DNAI2: variants seen among roughly 807,000 people sequenced by gnomAD.
DNAI2 encodes the protein dynein, axonemal, intermediate polypeptide 2.
A neutral mutation model predicts 74.7 loss-of-function variants in DNAI2; 63 were observed. The ratio of observed to expected loss-of-function variants is 0.84; its 90% confidence interval spans 0.69 to 1.04. DNAI2 has a LOEUF of 1.04. Ranked by LOEUF, DNAI2 falls within the 50% of genes least tolerant of loss-of-function variation. The probability of loss-of-function intolerance (pLI) is 0.00; values close to 1 mark genes in which losing one functional copy is unlikely to be tolerated. For synonymous variants in DNAI2, 289 were observed against 314.9 expected, an observed-to-expected ratio of 0.92 and a Z score of 0.87; for missense variants, 688 against 803.2, an observed-to-expected ratio of 0.86 and a Z score of 1.73.
At chr17:74,298,641 C>T (rs1307807531) in intron 6 of DNAI2, among the ~76,000 whole-genome samples, 3 of 151,998 alleles carry the variant, frequency 2.0e-5, no homozygotes, top group East Asian at 3.9e-4. Flanking sequence ...CTTGCTCTGT[C>T]ACCCAGGCTG....
chr17:74,301,776 C>G (rs1348848675), intron 8 of DNAI2, among the ~76,000 whole-genome samples: 3 of 145,190 alleles, frequency 2.1e-5, no homozygotes, highest in East Asian at 2.1e-4. Context: ...TAATGAGACC[C>G]CCCCCACCGC....
At chr17:74,314,497 GC>G in intron 13 of DNAI2, 91 bp from the exon 14 acceptor site, 1 of 440,692 alleles carries the variant, frequency 2.3e-6, no homozygotes, top group South Asian at 2.0e-5. Flanking sequence ...CCACCCCAAG[GC>G]CGAGGCCACC....
At chr17:74,284,947 C>G in intron 2 of DNAI2, 93 bp from the exon 3 acceptor site, 1 of 1,562,954 alleles carries the variant, frequency 6.4e-7, no homozygotes, top group Non-Finnish European at 8.8e-7. Context: ...GCATCCAGCC[C>G]TGGGAGCCCC....
chr17:74,275,331 G>A (rs1296872320), intron 1 of DNAI2, among the ~76,000 whole-genome samples: 1 of 152,148 alleles, frequency 6.6e-6, no homozygotes, highest in Non-Finnish European at 1.5e-5. Context: ...TGCTATCCTG[G>A]GGGAAAATAA....
Position 74,295,582 on chromosome 17 carries a change from C to G in DNAI2, c.725-4136C>G, listed in dbSNP as rs370251608. 6.2e-4 allele frequency among the ~76,000 whole-genome samples: 94 copies of G among 152,120 alleles called. 1 individual carries two copies. The highest frequency in any genetic ancestry group is 6.8e-3 in the Middle Eastern group (2 of 294). On this transcript the variant is annotated intron_variant, in intron 6 of 13. Coordinates refer to ENST00000311014, the MANE Select transcript of DNAI2 (RefSeq NM_023036.6). Reference sequence around the variant, plus strand: ...TATCTGGGCTTCTTGGGGACAATCTCTATTTATTGCTTTTTTATTCCTGTG... The same window carrying G: ...TATCTGGGCTTCTTGGGGACAATCTGTATTTATTGCTTTTTTATTCCTGTG...
intron 1 of DNAI2, among the ~76,000 whole-genome samples, chr17:74,274,686 AG>A (rs2050955851): frequency 6.6e-6 from 1 of 152,170 alleles, no homozygotes; most frequent in Non-Finnish European, 1.5e-5. Flanking sequence ...TGGAAAAAAA[AG>A]AAGAAAAACA....
chr17:74,298,579 T>C (rs1019213935), intron 6 of DNAI2, among the ~76,000 whole-genome samples: 2 of 152,168 alleles, frequency 1.3e-5, no homozygotes, highest in African/African-American at 4.8e-5. Flanking sequence ...AGTGCTGGGA[T>C]TACAGGTGTG....
intron 2 of DNAI2, among the ~76,000 whole-genome samples, chr17:74,282,482 G>T (rs1218448776): frequency 6.6e-6 from 1 of 152,168 alleles, no homozygotes; most frequent in Non-Finnish European, 1.5e-5. Context: ...TGCAATTCTT[G>T]TAGAGATGAG....
At chr17:74,295,829 A>C (rs2052391597) in intron 6 of DNAI2, among the ~76,000 whole-genome samples, 1 of 152,142 alleles carries the variant, frequency 6.6e-6, no homozygotes, top group African/African-American at 2.4e-5. Context: ...GACCACTTAT[A>C]GTCTCTGCTT....
intron 1 of DNAI2, among the ~76,000 whole-genome samples, chr17:74,279,021 G>T (rs2051245980): frequency 6.6e-6 from 1 of 152,106 alleles, no homozygotes; most frequent in Non-Finnish European, 1.5e-5. Flanking sequence ...CAAAAAATTA[G>T]CCGGGTGTGG....
At chr17:74,309,763 C>T (rs934877608) in intron 10 of DNAI2, 28 of 637,164 alleles carry the variant, frequency 4.4e-5, no homozygotes, top group Non-Finnish European at 6.4e-5. Context: ...GCTGGGGCCA[C>T]GGAAGGGTGG....
In DNAI2 at chr17:74,312,232, T is replaced by C; in HGVS notation, c.1722+2T>C. On this transcript the variant is annotated splice_donor_variant, in intron 12 of 13. Transcript: ENST00000311014. LOFTEE classifies it high-confidence loss of function. ...GCCATAAAGCTGACGCCAGTGCCTGTAGGGGCCTGGACAGGGGTTGGGTGG... is the reference window on the plus strand; with the variant it reads ...GCCATAAAGCTGACGCCAGTGCCTGCAGGGGCCTGGACAGGGGTTGGGTGG... 6.5e-7 allele frequency: 1 copy of C among 1,527,922 alleles called. No individual in the cohort carries two copies. 94.6% of individuals were successfully genotyped at this position (1,527,922 alleles called of 1,614,324 possible). A position where few individuals can be genotyped will look rare whatever the true frequency, so the allele number is the denominator to read the frequency against.
intron 1 of DNAI2, among the ~76,000 whole-genome samples, chr17:74,279,337 G>C (rs1439160253): frequency 1.3e-5 from 2 of 151,982 alleles, no homozygotes; most frequent in African/African-American, 4.8e-5. Flanking sequence ...AGTATAACTG[G>C]ATTGTTTGTA....
chr17:74,290,933 G>A (rs1227620918), intron 5 of DNAI2, 87 bp from the exon 6 acceptor site: 16 of 1,189,446 alleles, frequency 1.3e-5, no homozygotes, highest in East Asian at 9.3e-5. Flanking sequence ...CCATGCCCCC[G>A]CTACCCACCC....
At chr17:74,293,949 A>G (rs1274474100) in intron 6 of DNAI2, among the ~76,000 whole-genome samples, 1 of 148,168 alleles carries the variant, frequency 6.7e-6, no homozygotes, top group Non-Finnish European at 1.5e-5. Flanking sequence ...ACGCCCAGCT[A>G]ATTTTTGTAG....
intron 10 of DNAI2, 135 bp downstream of exon 10, chr17:74,309,523 T>G (rs2053387074): frequency 1.6e-6 from 2 of 1,278,854 alleles, no homozygotes; most frequent in African/African-American, 2.9e-5. Flanking sequence ...GGGAGCCGTG[T>G]GCAGGCTGAC....
rs967630063 is a variant in DNAI2 at position 74,291,184 on chromosome 17, G to C, written c.724+51G>C. On this transcript the variant is annotated intron_variant, in intron 6 of 13. Coordinates refer to ENST00000311014, the MANE Select transcript of DNAI2 (RefSeq NM_023036.6). ...TTTTTATTTTTATTTTTTTTAGATG[G>C]AATTTTGCTCTTGTTTCCCAGGCTG... 14 of 1,465,010 alleles carry C rather than the reference G, an allele frequency of 9.6e-6. No homozygotes were observed. The African/African-American group carries it at 2.0e-4, about 21-fold the overall frequency. 90.8% of individuals were successfully genotyped at this position (1,465,010 alleles called of 1,614,324 possible). A position where few individuals can be genotyped will look rare whatever the true frequency, so the allele number is the denominator to read the frequency against.
rs764396055 is a variant in DNAI2 at position 74,301,788 on chromosome 17, C to G, written c.987+620C>G. Among the ~76,000 whole-genome samples the G allele has an allele frequency of 5.1e-4, 72 of 141,518 alleles. 1 individual carries two copies. The highest frequency in any genetic ancestry group is 8.3e-4 in the Non-Finnish European group (54 of 65,178). 92.8% of individuals were successfully genotyped at this position (141,518 alleles called of 152,430 possible). A position where few individuals can be genotyped will look rare whatever the true frequency, so the allele number is the denominator to read the frequency against. On this transcript the variant is annotated intron_variant, in intron 8 of 13. Coordinates refer to ENST00000311014, the MANE Select transcript of DNAI2 (RefSeq NM_023036.6). ...ACATAATGAGACCCCCCCCACCGCC[C>G]GCCCAGTCTTTACCAAGAAAGAAAG...
At chr17:74,293,321 G>A (rs1030264775) in intron 6 of DNAI2, among the ~76,000 whole-genome samples, 1 of 152,132 alleles carries the variant, frequency 6.6e-6, no homozygotes, top group Non-Finnish European at 1.5e-5. Flanking sequence ...CTTCCTGTAT[G>A]TTAAGGCTAT....
Sources: allele counts gnomAD v4.1 joint callset (sites outside exome capture counted in the v4.1 genomes callset), GRCh38; gene constraint gnomAD v4.1.1; transcripts MANE v1.5; gene names NCBI Gene and HGNC (gene_info 2026-07-23, HGNC 2026-07-21).